PDZD2: variants seen among roughly 807,000 people sequenced by gnomAD.
The protein encoded by PDZD2 is PDZ domain-containing protein 2.
In PDZD2, 90 loss-of-function variants were observed where a neutral mutation model predicts 220.7. The observed-to-expected ratio is 0.41, with a 90% CI of 0.34 to 0.49. The LOEUF (loss-of-function observed/expected upper bound fraction) is 0.49. Ranked by LOEUF, PDZD2 falls within the 20% of genes least tolerant of loss-of-function variation. The pLI is 0.28. For synonymous variants in PDZD2, 1,375 were observed against 1,450.5 expected, an observed-to-expected ratio of 0.95 and a Z score of 1.18; for missense variants, 3,174 against 3,608.5, an observed-to-expected ratio of 0.88 and a Z score of 3.08.
rs150397617 is a variant in PDZD2 at position 32,000,392 on chromosome 5, C to T, written c.1254+121C>T. ...TGTGCACTTGTACGTTTGCCTTGGG[C>T]TATTGAAACAGCCTTGCTTCCACAG... is the stretch of plus-strand genomic sequence containing the variant. On this transcript the variant is annotated intron_variant, in intron 5 of 24. Coordinates refer to ENST00000438447, the MANE Select transcript of PDZD2 (RefSeq NM_178140.4). This position sits in a 1 kb window ranked among gnomAD's most constrained non-coding sequence, Gnocchi z 4.5. 9.5e-7 allele frequency: 1 copy of T among 1,049,580 alleles called. No homozygotes were observed. The highest frequency in any genetic ancestry group is 1.6e-5 in the African/African-American group (1 of 64,276). The allele number at this position is 1,049,580 out of a possible 1,614,324, so 65.0% of individuals were successfully genotyped here.
chr5:32,017,479 G>A (rs190158940), intron 6 of PDZD2, among the ~76,000 whole-genome samples: 1 of 151,986 alleles, frequency 6.6e-6, no homozygotes, highest in Non-Finnish European at 1.5e-5. Context: ...GTTTAAAATG[G>A]CCTTGGCACA....
intron 1 of PDZD2, among the ~76,000 whole-genome samples, chr5:31,790,127 G>C (rs912254185): frequency 5.3e-5 from 8 of 151,974 alleles, no homozygotes; most frequent in African/African-American, 1.9e-4. Flanking sequence ...TTGTTTGTTT[G>C]AGATGGAGTC....
intron 10 of PDZD2, among the ~76,000 whole-genome samples, chr5:32,054,838 C>T (rs1738954104): frequency 6.6e-6 from 1 of 152,134 alleles, no homozygotes; most frequent in African/African-American, 2.4e-5. Context: ...AACTGCCTTG[C>T]AAACTTGTCA....
rs780588947 is a variant in PDZD2, at chr5:32,090,866, A to G, written c.7418A>G (p.Gln2473Arg). 3.3e-5 allele frequency: 54 copies of G among 1,613,896 alleles called. No homozygotes were observed. The East Asian group carries it at 1.1e-3, about 33-fold the overall frequency. The change falls in exon 20 of 25, where the codon CAG (glutamine) becomes CGG (arginine). Residue 2473 changes from glutamine (Q) to arginine (R), a missense_variant. Physicochemically the swap from Gln to Arg is conservative, Grantham distance 43 (BLOSUM62 1). Around this residue, in one of 4 missense-constraint regions of PDZD2, gnomAD observed 631 missense variants for 789.9 expected, o/e 0.80. Transcript: ENST00000438447. The surrounding 1 kb of genome is among the most constrained non-coding windows in gnomAD (Gnocchi z 4.3). ...KRNKSSVRHT[Q>R]PSPVSRSKLQ... is the part of the protein sequence containing the mutation. ...AACAAGTCCTCGGTACGCCACACGC[A>G]GCCCTCGCCCGTGTCCCGCTCCAAG...
chr5:31,849,889 CACATATATATATATACATATATATATAT>C (rs1561506737), intron 2 of PDZD2, among the ~76,000 whole-genome samples: 3 of 17,790 alleles, frequency 1.7e-4, no homozygotes, highest in Admixed American at 1.2e-3. Flanking sequence ...TATATATATA[CACATATATATATATACATATATATATAT>C]ACATATATAT....
At chr5:31,898,342 T>C (rs1013549335) in intron 2 of PDZD2, among the ~76,000 whole-genome samples, 4 of 152,224 alleles carry the variant, frequency 2.6e-5, no homozygotes, top group Non-Finnish European at 4.4e-5. Context: ...GGAGCACTGG[T>C]AGATTAGGCT....
intron 2 of PDZD2, among the ~76,000 whole-genome samples, chr5:31,927,203 G>T (rs1300422765): frequency 6.6e-6 from 1 of 152,038 alleles, no homozygotes; most frequent in Non-Finnish European, 1.5e-5. Context: ...TATACCCCTG[G>T]ATCTAAAACA....
rs959553884 is a variant in PDZD2 at position 32,104,992 on chromosome 5, G to A, written c.8354-2977G>A. 2.6e-5 allele frequency among the ~76,000 whole-genome samples: 4 copies of A among 151,818 alleles called. No homozygotes were observed. In the East Asian group the frequency reaches 7.8e-4, roughly 29 times the overall value. On this transcript the variant is annotated intron_variant, in intron 24 of 24. Transcript: ENST00000438447. ...TCTACAAAAAATACAGAAATTACTC[G>A]GGTGTGGCGGCACGCACCTATAGTC... is the stretch of plus-strand genomic sequence containing the variant.
Position 31,952,787 on chromosome 5 carries a change from C to T in PDZD2, c.477-30368C>T, listed in dbSNP as rs192383450. 2.4e-3 allele frequency among the ~76,000 whole-genome samples: 369 copies of T among 152,236 alleles called. 1 individual carries two copies. In the South Asian group the frequency reaches 0.035, roughly 15 times the overall value. ...AAAAATAAGAATAGCAGCCCAGGCA[C>T]GGTGGCTCATGCCTGTAATCCCAGC... On this transcript the variant is annotated intron_variant, in intron 2 of 24. Transcript: ENST00000438447.
intron 2 of PDZD2, among the ~76,000 whole-genome samples, chr5:31,865,631 T>C (rs1449607516): frequency 7.9e-6 from 1 of 126,236 alleles, no homozygotes; most frequent in East Asian, 2.3e-4. Flanking sequence ...CTTTTTTTTT[T>C]TTTTTTTTTT....
At chr5:31,739,368 C>CA (rs1028086676) in intron 1 of PDZD2, among the ~76,000 whole-genome samples, 23 of 146,922 alleles carry the variant, frequency 1.6e-4, no homozygotes, top group Admixed American at 1.2e-3. Flanking sequence ...TTTATGGTAG[C>CA]AAAAAAAAAT....
chr5:31,975,874 GCTCACTGCAGC>G (rs1440564026), intron 2 of PDZD2, among the ~76,000 whole-genome samples: 14 of 142,054 alleles, frequency 9.9e-5, no homozygotes, highest in African/African-American at 3.2e-4. Context: ...CAGAGTCATG[GCTCACTGCAGC>G]CTCGACCTCC....
chr5:32,096,526 C>T (rs537023064), intron 21 of PDZD2, among the ~76,000 whole-genome samples: 2 of 152,274 alleles, frequency 1.3e-5, no homozygotes, highest in East Asian at 3.9e-4. Flanking sequence ...GCCATGTTGA[C>T]TAGGCTGGTC....
chr5:31,850,243 T>TATAAGTATATATATATATATATATACAC (rs577432352), intron 2 of PDZD2, among the ~76,000 whole-genome samples: 5 of 122,232 alleles, frequency 4.1e-5, no homozygotes, highest in African/African-American at 1.5e-4. Flanking sequence ...TATATATATA[T>TATAAGTATATATATATATATATATACAC]ACACACACAC....
intron 2 of PDZD2, among the ~76,000 whole-genome samples, chr5:31,808,110 T>C (rs1754846212): frequency 6.6e-6 from 1 of 152,088 alleles, no homozygotes; most frequent in African/African-American, 2.4e-5. Flanking sequence ...GAATTGCCAA[T>C]TGTAGCTTGA....
chr5:31,664,333 A>G (rs985153158), intron 1 of PDZD2, among the ~76,000 whole-genome samples: 12 of 152,072 alleles, frequency 7.9e-5, no homozygotes, highest in African/African-American at 2.9e-4. Flanking sequence ...GCTTAACATA[A>G]CAAAAAATCA....
intron 2 of PDZD2, among the ~76,000 whole-genome samples, chr5:31,809,533 G>A (rs1754963998): frequency 6.6e-6 from 1 of 152,278 alleles, no homozygotes; most frequent in Admixed American, 6.5e-5. Flanking sequence ...AAATCCGCCT[G>A]TGCTCAGCTC....
intron 1 of PDZD2, among the ~76,000 whole-genome samples, chr5:31,768,865 C>T (rs962208990): frequency 2.0e-5 from 3 of 152,124 alleles, no homozygotes; most frequent in South Asian, 2.1e-4. Context: ...GAACCAATAG[C>T]GCTCCAACTT....
intron 19 of PDZD2, among the ~76,000 whole-genome samples, chr5:32,080,209 G>T (rs370107006): frequency 6.6e-6 from 1 of 151,992 alleles, no homozygotes; most frequent in African/African-American, 2.4e-5. Flanking sequence ...TTAGCCAGAC[G>T]TGGTGGTGGG....
Sources: gnomAD v4.1 joint callset for allele counts (sites outside exome capture counted in the v4.1 genomes callset) on GRCh38, gnomAD v4.1.1 for gene constraint, gnomAD v4.1.1 regional missense constraint, Gnocchi (gnomAD v3.1) non-coding constraint, MANE v1.5 for transcripts, NCBI Gene and HGNC (gene_info 2026-07-23, HGNC 2026-07-21) for gene names.